Variants in ZNF606 observed in about 807,000 individuals in gnomAD.
ZNF606 encodes the protein zinc finger protein 328.
A neutral mutation model predicts 74.9 loss-of-function variants in ZNF606; 37 were observed. That is an observed-to-expected ratio of 0.49 (90% CI 0.38 to 0.65). The LOEUF (loss-of-function observed/expected upper bound fraction) is 0.65, where lower values mean the gene tolerates loss of function less well. ZNF606 is among the 30% of genes least tolerant of loss of function. ZNF606 has a pLI of 0.00. For synonymous variants in ZNF606, 328 were observed against 312.4 expected (o/e 1.05, Z -0.53); for missense variants, 852 against 952.9 (o/e 0.89, Z 1.39).
intron 2 of ZNF606, 57 bp downstream of exon 2, chr19:58,001,232 C>T (rs1408881072): frequency 6.2e-7 from 1 of 1,604,980 alleles, no homozygotes; most frequent in Non-Finnish European, 8.5e-7. Flanking sequence ...AGCTCTGACC[C>T]ATGACTGCAG....
At position 57,980,263 on chromosome 19, in the gene ZNF606, A is replaced by G. The variant is rs773833989; in HGVS notation, c.417T>C (p.Leu139=). Residue 139 remains leucine (L), a synonymous_variant, in exon 7 of 7, where the codon CTT becomes CTC. Coordinates refer to ENST00000551380, the MANE Select transcript of ZNF606 (RefSeq NM_001348022.3). ...QRTCPEWVRN[L]ESKALIPAQS... ...GTGCTGGGATCAATGCTTTGCTTTC[A>G]AGATTTCTCACCCATTCTGAAACAG... 1 of 1,606,684 alleles carries G rather than the reference A, an allele frequency of 6.2e-7. No homozygotes were observed. Among genetic ancestry groups the G allele is most frequent in the Admixed American group, 1.7e-5 (1 of 58,676 alleles).
intron 2 of ZNF606, 135 bp from the exon 3 acceptor site, chr19:58,000,874 G>A (rs760324338): frequency 1.0e-5 from 8 of 762,488 alleles, no homozygotes; most frequent in Non-Finnish European, 1.6e-5. Context: ...TAAAAAAAAT[G>A]CAACATAAGC....
chr19:58,000,575 C>G, intron 3 of ZNF606, 108 bp downstream of exon 3: 1 of 1,202,480 alleles, frequency 8.3e-7, no homozygotes, highest in African/African-American at 1.5e-5. Flanking sequence ...TCTGGACCAC[C>G]TGCCCTAAAG....
At chr19:58,002,930 T>A (rs2073467686), upstream of ZNF606, 1 of 452,412 alleles carries the variant, frequency 2.2e-6, no homozygotes, top group African/African-American at 2.0e-5. Context: ...TCGCCCTGCC[T>A]GGGCGGGGTT....
intron 1 of ZNF606, 151 bp downstream of exon 1, chr19:58,002,245 G>A (rs887531778): frequency 4.4e-6 from 2 of 456,806 alleles, no homozygotes; most frequent in South Asian, 1.5e-5. Flanking sequence ...ACTGGCAGGG[G>A]GAGAAACGAC....
chr19:58,002,784 G>T lies in ZNF606; in HGVS notation c.-440C>A. On this transcript the variant is annotated 5_prime_UTR_variant, in exon 1 of 7. It adds an upstream start codon to the 5' untranslated region. Coordinates refer to ENST00000551380, the MANE Select transcript of ZNF606 (RefSeq NM_001348022.3). ...CAGCCTGAGCAAAGGCCTCACCTCA[G>T]CCGCGGACAATGGCGGCTGCTTCCC... The T allele has an allele frequency of 2.2e-6, 1 of 453,004 alleles. No homozygotes were observed. The highest frequency in any genetic ancestry group is 4.4e-6 in the Non-Finnish European group (1 of 225,458). The allele number at this position is 453,004 out of a possible 1,614,324, so 28.1% of individuals were successfully genotyped here.
rs1198900817 is a variant in ZNF606 at position 57,977,654 on chromosome 19, G to A, written c.*647C>T. 2 of 152,340 alleles carry A rather than the reference G, an allele frequency of 1.3e-5. No homozygotes were observed. The highest frequency in any genetic ancestry group is 2.9e-5 in the Non-Finnish European group (2 of 68,044). The allele number at this position is 152,340 out of a possible 1,614,324, so 9.4% of individuals were successfully genotyped here. On this transcript the variant is annotated 3_prime_UTR_variant, in exon 7 of 7. Transcript: ENST00000551380. ...TGGGCTAAGGATCACTTTCTGTCCA[G>A]CAACATCAGTCTCACACTCCTAGGC...
Position 58,002,591 on chromosome 19 carries a change from C to T in ZNF606, c.-247G>A, listed in dbSNP as rs1312240385. 2.3e-6 allele frequency: 1 copy of T among 442,574 alleles called. No individual in the cohort carries two copies. The highest frequency in any genetic ancestry group is 4.5e-6 in the Non-Finnish European group (1 of 221,070). 27.4% of individuals were successfully genotyped at this position (442,574 alleles called of 1,614,324 possible). A position where few individuals can be genotyped will look rare whatever the true frequency, so the allele number is the denominator to read the frequency against. On this transcript the variant is annotated 5_prime_UTR_variant, in exon 1 of 7. Coordinates refer to ENST00000551380, the MANE Select transcript of ZNF606 (RefSeq NM_001348022.3). The stretch of plus-strand genomic sequence containing the variant: ...CACCCAGGCCCGTCCGACCAGAAAA[C>T]GAAGAACGCCCGGAGGCGGGAGGCC...
chr19:57,990,183 T>C (rs1208993066), intron 4 of ZNF606, among the ~76,000 whole-genome samples: 2 of 145,404 alleles, frequency 1.4e-5, no homozygotes, highest in African/African-American at 5.2e-5. Context: ...TAACACGCGG[T>C]AAAACATCAT....
At chr19:57,985,689 G>A (rs1273137457) in intron 6 of ZNF606, among the ~76,000 whole-genome samples, 2 of 152,192 alleles carry the variant, frequency 1.3e-5, no homozygotes, top group East Asian at 3.9e-4. Flanking sequence ...AGCACTTTGG[G>A]AGGGCGAGGT....
chr19:58,000,803 A>C, intron 2 of ZNF606, 64 bp from the exon 3 acceptor site: 1 of 1,454,644 alleles, frequency 6.9e-7, no homozygotes, highest in Non-Finnish European at 9.3e-7. Flanking sequence ...GACAAAATAC[A>C]AGAGGAGGCT....
chr19:58,000,122 G>T lies in ZNF606; in HGVS notation c.89-226C>A, dbSNP rs576438567. ...CTGTGCTATTGGGTACCATCTCTGAGAAGCAGTGTCTGGTCACAACCTTCC... is the reference window on the plus strand; with the variant it reads ...CTGTGCTATTGGGTACCATCTCTGATAAGCAGTGTCTGGTCACAACCTTCC... On this transcript the variant is annotated intron_variant, in intron 3 of 6. Transcript: ENST00000551380. 5 of 543,292 alleles carry T rather than the reference G, an allele frequency of 9.2e-6. 1 individual carries two copies. In the South Asian group the frequency reaches 1.4e-4, roughly 15 times the overall value. The allele number at this position is 543,292 out of a possible 1,614,324, so 33.7% of individuals were successfully genotyped here.
At position 58,002,489 on chromosome 19, in the gene ZNF606, CG is replaced by C. The variant is rs1366137984; in HGVS notation, c.-146del. 1 of 453,574 alleles carries C rather than the reference CG, an allele frequency of 2.2e-6. No homozygotes were observed. Among genetic ancestry groups the C allele is most frequent in the Non-Finnish European group, 4.4e-6 (1 of 225,478 alleles). 28.1% of individuals were successfully genotyped at this position (453,574 alleles called of 1,614,324 possible). A position where few individuals can be genotyped will look rare whatever the true frequency, so the allele number is the denominator to read the frequency against. On this transcript the variant is annotated 5_prime_UTR_variant, in exon 1 of 7. Transcript: ENST00000551380. ...TTGGCTTTTGTCCCGCGCCGAGGTC[CG>C]GCCCAGGAGTGCGCTTGGGAGCTCC...
At chr19:57,988,128 C>CGG in intron 6 of ZNF606, 79 bp downstream of exon 6, 1 of 1,072,992 alleles carries the variant, frequency 9.3e-7, no homozygotes, top group Non-Finnish European at 1.3e-6. Flanking sequence ...AGGAAGGTAA[C>CGG]TCTTCATGGC....
intron 4 of ZNF606, among the ~76,000 whole-genome samples, chr19:57,994,248 G>A (rs1484258702): frequency 6.6e-6 from 1 of 151,960 alleles, no homozygotes; most frequent in African/African-American, 2.4e-5. Context: ...GTGAGAACAT[G>A]ATCATCAGGC....
chr19:57,985,169 G>A (rs2073146200), intron 6 of ZNF606, among the ~76,000 whole-genome samples: 1 of 152,108 alleles, frequency 6.6e-6, no homozygotes, highest in Non-Finnish European at 1.5e-5. Context: ...CAGCAACCAG[G>A]AAAACATGTA....
chr19:57,991,693 T>G (rs1245887782), intron 4 of ZNF606, among the ~76,000 whole-genome samples: 1 of 151,884 alleles, frequency 6.6e-6, no homozygotes, highest in African/African-American at 2.4e-5. Context: ...GGAATGAGAA[T>G]CTCTTGAACC....
At chr19:57,983,167 C>T (rs1459043419) in intron 6 of ZNF606, among the ~76,000 whole-genome samples, 1 of 152,174 alleles carries the variant, frequency 6.6e-6, no homozygotes, top group Non-Finnish European at 1.5e-5. Context: ...TCACTCAGTA[C>T]TTGTAGTCTA....
Position 57,979,897 on chromosome 19 carries a change from A to G in ZNF606, c.783T>C (p.Cys261=). 2 of 1,613,948 alleles carry G rather than the reference A, an allele frequency of 1.2e-6. No individual in the cohort carries two copies. The highest frequency in any genetic ancestry group is 1.7e-6 in the Non-Finnish European group (2 of 1,180,010). Residue 261 remains cysteine, a synonymous_variant, in exon 7 of 7, where the codon TGT becomes TGC. Coordinates refer to ENST00000551380, the MANE Select transcript of ZNF606 (RefSeq NM_001348022.3). ...CAGTTTTGTCATAATCATTATTTTC[A>G]CAGGTAACCTTATCTGCATACATTA... The part of the protein sequence containing the change: ...SAIMYADKVT[C]ENNDYDKTVY...
Sources: allele counts gnomAD v4.1 joint callset (sites outside exome capture counted in the v4.1 genomes callset), GRCh38; gene constraint gnomAD v4.1.1; transcripts MANE v1.5; gene names NCBI Gene and HGNC (gene_info 2026-07-23, HGNC 2026-07-21).